RPA1: variants seen among roughly 807,000 people sequenced by gnomAD.
RPA1 encodes replication protein A 70 kDa DNA-binding subunit.
In RPA1, 49 loss-of-function variants were observed where a neutral mutation model predicts 83.0. The observed-to-expected ratio is 0.59, with a 90% confidence interval of 0.47 to 0.75. The LOEUF is 0.75. RPA1 is among the 30% of genes least tolerant of loss of function. RPA1 has a pLI of 0.00. For missense variants in RPA1, 693 were observed against 776.1 expected, an observed-to-expected ratio of 0.89 and a Z score of 1.27; for synonymous variants, 279 against 281.8, an observed-to-expected ratio of 0.99 and a Z score of 0.10.
At chr17:1,862,276 C>G (rs12946773) in intron 5 of RPA1, among the ~76,000 whole-genome samples, 27,715 of 145,940 alleles carry the variant, frequency 0.19, 2,933 homozygotes, top group East Asian at 0.41. Flanking sequence ...CTCAAGCAAT[C>G]CGCCCACCTG....
chr17:1,830,124 G>A lies in RPA1; in HGVS notation c.31G>A (p.Ala11Thr), dbSNP rs775945784. 1.6e-6 allele frequency: 2 copies of A among 1,247,798 alleles called. No individual in the cohort carries two copies. The highest frequency in any genetic ancestry group is 4.1e-5 in the South Asian group (1 of 24,456). 77.3% of individuals were successfully genotyped at this position (1,247,798 alleles called of 1,614,324 possible). Residue 11 changes from alanine (A) to threonine (T), a missense_variant and splice_region_variant, in exon 1 of 17, where the codon GCG becomes ACG. Ala to Thr is a moderately conservative substitution (Grantham distance 58). Transcript: ENST00000254719. MVGQLSEGAI[A>T]AIMQKGDTNI... ...CGGCCAACTGAGCGAGGGGGCCATT[G>A]CGGTGAGGAGGTGCCGGGGGCTGGG...
At chr17:1,854,018 C>T (rs546987515) in intron 5 of RPA1, 2 of 152,170 alleles carry the variant, frequency 1.3e-5, no homozygotes, top group Admixed American at 6.5e-5. Flanking sequence ...GAATATATAA[C>T]GTTGTTTTAC....
rs1361902618 is a variant in RPA1 at position 1,844,704 on chromosome 17, TTCTG to T, written c.272+22_272+25del. The T allele has an allele frequency of 1.3e-6, 2 of 1,581,612 alleles. No individual in the cohort carries two copies. Among genetic ancestry groups the T allele is most frequent in the South Asian group, 1.1e-5 (1 of 89,486 alleles). ...GACGGAAGGTATGTGCTGTGTTTTT[TTCTG>T]TCTTATTGTATCGTAGAATGGGAAC... On this transcript the variant is annotated intron_variant, in intron 4 of 16. Transcript: ENST00000254719.
At chr17:1,858,450 G>A (rs1437743637) in intron 5 of RPA1, 1 of 1,355,202 alleles carries the variant, frequency 7.4e-7, no homozygotes, top group African/African-American at 1.4e-5. Flanking sequence ...CAGCCATCTT[G>A]GGTTCTGGTC....
chr17:1,843,476 C>T (rs1456729164), intron 2 of RPA1, among the ~76,000 whole-genome samples: 1 of 151,904 alleles, frequency 6.6e-6, no homozygotes, highest in African/African-American at 2.4e-5. Context: ...GGACACATCA[C>T]TTACGTCTCT....
chr17:1,864,993 C>G (rs941875678), intron 5 of RPA1, among the ~76,000 whole-genome samples: 1 of 152,188 alleles, frequency 6.6e-6, no homozygotes, highest in African/African-American at 2.4e-5. Flanking sequence ...TGCATCCTGT[C>G]TTCGTTTTCC....
At chr17:1,874,580 AAGC>A (rs1913509730) in intron 6 of RPA1, among the ~76,000 whole-genome samples, 1 of 152,198 alleles carries the variant, frequency 6.6e-6, no homozygotes, top group Non-Finnish European at 1.5e-5. Context: ...TACTGAGGAG[AAGC>A]TACCCAGCAT....
intron 16 of RPA1, among the ~76,000 whole-genome samples, chr17:1,896,218 A>G (rs1914415246): frequency 6.6e-6 from 1 of 152,182 alleles, no homozygotes; most frequent in Admixed American, 6.5e-5. Context: ...AGGCAGCCTG[A>G]CTTCAGAGCT....
At position 1,864,318 on chromosome 17, in the gene RPA1, C is replaced by T. The variant is rs1422015310; in HGVS notation, c.362-8116C>T. On this transcript the variant is annotated intron_variant, in intron 5 of 16. Coordinates refer to ENST00000254719, the MANE Select transcript of RPA1 (RefSeq NM_002945.5). ...TTGGGAGGCTGAGGTGGGCGAATCA[C>T]CTGAGGTCAGGAGTTTGAGACCAGC... is the stretch of plus-strand genomic sequence containing the variant. 3.3e-5 allele frequency among the ~76,000 whole-genome samples: 5 copies of T among 152,212 alleles called. No individual in the cohort carries two copies. The East Asian group carries it at 5.8e-4, about 18-fold the overall frequency.
At chr17:1,851,233 A>T (rs1197580332) in intron 4 of RPA1, among the ~76,000 whole-genome samples, 1 of 151,726 alleles carries the variant, frequency 6.6e-6, no homozygotes, top group African/African-American at 2.4e-5. Flanking sequence ...TCCGTGTTGT[A>T]TTTCCATCTT....
intron 1 of RPA1, among the ~76,000 whole-genome samples, chr17:1,838,074 C>T (rs772919346): frequency 5.3e-5 from 8 of 151,682 alleles, no homozygotes; most frequent in Non-Finnish European, 8.8e-5. Flanking sequence ...GGCGGATCAC[C>T]TGAGGTCGAG....
chr17:1,867,209 CTCAGCTT>C (rs1210247261), intron 5 of RPA1, among the ~76,000 whole-genome samples: 1 of 152,116 alleles, frequency 6.6e-6, no homozygotes, highest in Admixed American at 6.5e-5. Flanking sequence ...TTATCACATT[CTCAGCTT>C]TCAGGAAGGT....
At chr17:1,845,414 C>T (rs1399282259) in intron 4 of RPA1, among the ~76,000 whole-genome samples, 1 of 151,690 alleles carries the variant, frequency 6.6e-6, no homozygotes, top group East Asian at 1.9e-4. Context: ...GCACACGCTA[C>T]AGTCCTAGCT....
chr17:1,895,427 T>C (rs1053787932), intron 16 of RPA1, among the ~76,000 whole-genome samples: 1 of 150,758 alleles, frequency 6.6e-6, no homozygotes, highest in African/African-American at 2.4e-5. Flanking sequence ...TGCAGTAGAG[T>C]CATATCTTTG....
intron 5 of RPA1, among the ~76,000 whole-genome samples, chr17:1,866,004 G>T (rs910375691): frequency 1.3e-5 from 2 of 152,086 alleles, no homozygotes; most frequent in Admixed American, 6.5e-5. Flanking sequence ...ACTTTGGGAG[G>T]CCAAGCTTGG....
chr17:1,874,026 T>TAC (rs1287669764), intron 6 of RPA1, among the ~76,000 whole-genome samples: 2,019 of 110,012 alleles, frequency 0.018, 25 homozygotes, highest in Middle Eastern at 0.037. Context: ...TATATATATA[T>TAC]ATATATACAC....
At chr17:1,872,708 C>CTTTT (rs34892322) in intron 6 of RPA1, among the ~76,000 whole-genome samples, 182 bp downstream of exon 6, 9 of 113,052 alleles carry the variant, frequency 8.0e-5, no homozygotes, top group South Asian at 2.8e-4. Flanking sequence ...TAAAGATTGT[C>CTTTT]TTTTTTTTTT....
intron 1 of RPA1, among the ~76,000 whole-genome samples, chr17:1,831,809 C>A (rs1243644589): frequency 6.6e-6 from 1 of 151,554 alleles, no homozygotes; most frequent in African/African-American, 2.4e-5. Flanking sequence ...CCGTGTTAGC[C>A]AGGATGGTCT....
At chr17:1,887,204 T>C (rs1454396810) in intron 13 of RPA1, among the ~76,000 whole-genome samples, 2 of 152,146 alleles carry the variant, frequency 1.3e-5, no homozygotes, top group Admixed American at 6.5e-5. Context: ...TCAATATAAG[T>C]TCCCCATCTT....
Sources: allele counts gnomAD v4.1 joint callset (sites outside exome capture counted in the v4.1 genomes callset), GRCh38; gene constraint gnomAD v4.1.1; transcripts MANE v1.5; gene names NCBI Gene and HGNC (gene_info 2026-07-23, HGNC 2026-07-21).